The following TTI1 variants were observed in gnomAD, a reference collection of about 807,000 sequenced individuals.
The protein encoded by TTI1 is TELO2 interacting protein 1.
In TTI1, 52 loss-of-function variants were observed where a neutral mutation model predicts 85.4. The ratio of observed to expected loss-of-function variants is 0.61; its 90% CI spans 0.49 to 0.77. The LOEUF is 0.77. Ranked by LOEUF, TTI1 falls within the 30% of genes least tolerant of loss-of-function variation. The pLI is 0.00. For synonymous variants in TTI1, 512 were observed against 503.9 expected, an observed-to-expected ratio of 1.02 and a Z score of -0.22; for missense variants, 1,173 against 1,296.0, an observed-to-expected ratio of 0.91 and a Z score of 1.46.
intron 5 of TTI1, among the ~76,000 whole-genome samples, chr20:37,998,180 C>T (rs1485371126): frequency 2.0e-5 from 3 of 152,046 alleles, no homozygotes; most frequent in East Asian, 1.9e-4. Flanking sequence ...CACCTGCCTC[C>T]GCCTCCCAAA....
At chr20:37,997,004 A>G (rs528371708) in intron 5 of TTI1, 51 bp from the exon 6 acceptor site, 10 of 1,581,658 alleles carry the variant, frequency 6.3e-6, no homozygotes, top group Middle Eastern at 1.7e-4. Flanking sequence ...AGGCAGCAAG[A>G]GAGCTAAAGA....
At chr20:38,009,667 A>AT (rs201576446) in intron 2 of TTI1, among the ~76,000 whole-genome samples, 2,340 of 151,698 alleles carry the variant, frequency 0.015, 54 homozygotes, top group African/African-American at 0.055. Flanking sequence ...CTCCCAACTA[A>AT]TTTTTTTCCA....
At chr20:38,005,305 ATCC>A (rs2073480148) in intron 3 of TTI1, among the ~76,000 whole-genome samples, 1 of 152,186 alleles carries the variant, frequency 6.6e-6, no homozygotes, top group Admixed American at 6.5e-5. Flanking sequence ...TGCAGAGGAG[ATCC>A]TAATAATTTA....
intron 1 of TTI1, among the ~76,000 whole-genome samples, chr20:38,032,191 A>C (rs2073918882): frequency 6.6e-6 from 1 of 152,178 alleles, no homozygotes; most frequent in South Asian, 2.1e-4. Context: ...ACGCTGTCCA[A>C]AGGGGGATAA....
intron 7 of TTI1, among the ~76,000 whole-genome samples, chr20:37,989,468 C>T (rs1426253972): frequency 6.6e-6 from 1 of 152,248 alleles, no homozygotes; most frequent in East Asian, 1.9e-4. Flanking sequence ...GAGGTCCAAT[C>T]TGTTATAGAC....
intron 7 of TTI1, among the ~76,000 whole-genome samples, chr20:37,990,457 A>T (rs1376866332): frequency 6.6e-6 from 1 of 152,214 alleles, no homozygotes; most frequent in Admixed American, 6.5e-5. Flanking sequence ...TTAATTTGCC[A>T]AGGTTATCTT....
intron 1 of TTI1, among the ~76,000 whole-genome samples, chr20:38,025,017 G>A (rs191029965): frequency 6.6e-6 from 1 of 152,130 alleles, no homozygotes; most frequent in African/African-American, 2.4e-5. Flanking sequence ...CAGCAGTAGT[G>A]GGGAGACCTT....
chr20:38,031,952 T>C (rs2073913897), intron 1 of TTI1, among the ~76,000 whole-genome samples: 1 of 152,358 alleles, frequency 6.6e-6, no homozygotes, highest in Middle Eastern at 3.4e-3. Context: ...AAGTGCTCAG[T>C]ATATGACAGT....
chr20:37,999,103 G>A (rs2273351), intron 5 of TTI1, 85 bp downstream of exon 5: 101,920 of 1,297,830 alleles, frequency 0.079, 5,553 homozygotes, highest in East Asian at 0.33. Context: ...ATCGGGTGAA[G>A]AGAACCAATC....
chr20:37,983,578 A>T lies in TTI1; in HGVS notation c.3148T>A (p.Tyr1050Asn). The change falls in exon 8 of 8, where the codon TAC (tyrosine) becomes AAC (asparagine). Residue 1050 changes from tyrosine (Y) to asparagine (N), a missense_variant. Transcript: ENST00000373447. ...DSTWFLLNEL[Y>N]CPVQFTPPHP... ...GGAGGTGTGAACTGCACGGGGCAGTAAAGCTCGTTCAGGAGGAACCAGGTG... is the reference window on the plus strand; with the variant it reads ...GGAGGTGTGAACTGCACGGGGCAGTTAAGCTCGTTCAGGAGGAACCAGGTG... 6.3e-7 allele frequency: 1 copy of T among 1,587,442 alleles called. No individual in the cohort carries two copies.
rs1232997180 is a variant in TTI1 at position 38,013,035 on chromosome 20, T to G, written c.782A>C (p.Lys261Thr). The change falls in exon 2 of 8, where the codon AAA becomes ACA. Residue 261 changes from lysine (K) to threonine (T), a missense_variant. Physicochemically the swap from Lys to Thr is moderately conservative, Grantham distance 78. Coordinates refer to ENST00000373447, the MANE Select transcript of TTI1 (RefSeq NM_001303457.2). ...QLKRISKVQA[K>T]PAVEHRVAEL... The stretch of plus-strand genomic sequence containing the variant: ...TGCTACTCTGTGCTCAACTGCAGGT[T>G]TTGCTTGGACCTTTGAGATTCTTTT... The G allele has an allele frequency of 1.2e-6, 2 of 1,614,132 alleles. No individual in the cohort carries two copies. Among genetic ancestry groups the G allele is most frequent in the East Asian group, 4.5e-5 (2 of 44,884 alleles).
At chr20:37,993,537 C>T (rs918219926) in intron 7 of TTI1, among the ~76,000 whole-genome samples, 11 of 152,200 alleles carry the variant, frequency 7.2e-5, no homozygotes, top group African/African-American at 2.2e-4. Context: ...GCCTCCACCC[C>T]AACTCGATGA....
At chr20:38,024,725 A>G (rs1038738184) in intron 1 of TTI1, among the ~76,000 whole-genome samples, 2 of 152,194 alleles carry the variant, frequency 1.3e-5, no homozygotes, top group Non-Finnish European at 2.9e-5. Flanking sequence ...TCCCACTCTC[A>G]TAAGTCTGTA....
rs948087262 is a variant in TTI1 at position 38,033,396 on chromosome 20, T to C, written c.-42+8A>G. ...GGCTCCCTCTGGTTCCCGCCACTCT[T>C]CCCTTACCTCGTCTTCCAGCCTTTC... On this transcript the variant is annotated splice_region_variant and intron_variant, in intron 1 of 7. Transcript: ENST00000373447. 1 of 154,088 alleles carries C rather than the reference T, an allele frequency of 6.5e-6. No individual in the cohort carries two copies. Among genetic ancestry groups the C allele is most frequent in the African/African-American group, 2.4e-5 (1 of 41,448 alleles). The allele number at this position is 154,088 out of a possible 1,614,324, so 9.5% of individuals were successfully genotyped here.
chr20:37,999,067 C>A (rs2073382137), intron 5 of TTI1, 121 bp downstream of exon 5: 1 of 1,129,524 alleles, frequency 8.9e-7, no homozygotes, highest in African/African-American at 1.6e-5. Flanking sequence ...TGTTTCTATA[C>A]TTTCTTCACA....
chr20:38,020,599 T>C (rs971566865), intron 1 of TTI1, among the ~76,000 whole-genome samples: 1 of 151,574 alleles, frequency 6.6e-6, no homozygotes, highest in African/African-American at 2.4e-5. Flanking sequence ...TTGCTATATA[T>C]CTGACAAAAC....
chr20:38,017,472 G>A (rs1179712376), intron 1 of TTI1, among the ~76,000 whole-genome samples: 1 of 151,580 alleles, frequency 6.6e-6, no homozygotes, highest in Admixed American at 6.6e-5. Flanking sequence ...CGAGCCTTTG[G>A]TGCATGTGTT....
chr20:38,005,079 G>C (rs2073476929), intron 3 of TTI1, among the ~76,000 whole-genome samples: 1 of 152,030 alleles, frequency 6.6e-6, no homozygotes. Flanking sequence ...GTGGCATCAA[G>C]CTACTATTTC....
At chr20:38,029,582 G>A (rs2073879853) in intron 1 of TTI1, among the ~76,000 whole-genome samples, 1 of 151,908 alleles carries the variant, frequency 6.6e-6, no homozygotes, top group Admixed American at 6.6e-5. Flanking sequence ...GAGAGAGAGA[G>A]AGAGAGAGGA....
Sources: gnomAD v4.1 joint callset for allele counts (sites outside exome capture counted in the v4.1 genomes callset) on GRCh38, gnomAD v4.1.1 for gene constraint, MANE v1.5 for transcripts, NCBI Gene and HGNC (gene_info 2026-07-23, HGNC 2026-07-21) for gene names.